The following TRABD2B variants were observed in gnomAD, a reference collection of about 807,000 sequenced individuals.
TRABD2B encodes TraB domain containing 2B.
A neutral mutation model predicts 40.1 loss-of-function variants in TRABD2B; 14 were observed. The ratio of observed to expected loss-of-function variants is 0.35; its 90% CI spans 0.23 to 0.55. The LOEUF (loss-of-function observed/expected upper bound fraction) is 0.55. TRABD2B is among the 20% of genes least tolerant of loss of function. The pLI, the probability that TRABD2B is intolerant of heterozygous loss-of-function variation, is 0.90. For missense variants in TRABD2B, 541 were observed against 648.6 expected, an observed-to-expected ratio of 0.83 and a Z score of 1.80; for synonymous variants, 263 against 277.0, an observed-to-expected ratio of 0.95 and a Z score of 0.50.
chr1:47,811,799 C>T (rs1164014651), intron 2 of TRABD2B, among the ~76,000 whole-genome samples: 1 of 152,196 alleles, frequency 6.6e-6, no homozygotes, highest in African/African-American at 2.4e-5. Context: ...GCTGTGAGAC[C>T]CACTCTCTGG....
chr1:47,991,901 T>C (rs1242553387), intron 2 of TRABD2B, among the ~76,000 whole-genome samples: 1 of 152,152 alleles, frequency 6.6e-6, no homozygotes, highest in Non-Finnish European at 1.5e-5. Flanking sequence ...TGATTTTGAA[T>C]TTTTGGATCC....
At chr1:47,890,758 T>C (rs1644433897) in intron 2 of TRABD2B, among the ~76,000 whole-genome samples, 1 of 152,190 alleles carries the variant, frequency 6.6e-6, no homozygotes, top group Admixed American at 6.5e-5. Context: ...ATTCAACAAA[T>C]ATTCACTGGA....
At chr1:47,767,328 T>A (rs1234613559) in intron 6 of TRABD2B, among the ~76,000 whole-genome samples, 1 of 151,934 alleles carries the variant, frequency 6.6e-6, no homozygotes, top group Admixed American at 6.6e-5. Flanking sequence ...AGCAGGTAGA[T>A]GAAGGGAAGG....
At chr1:47,974,564 G>A (rs1173599315) in intron 2 of TRABD2B, among the ~76,000 whole-genome samples, 1 of 152,120 alleles carries the variant, frequency 6.6e-6, no homozygotes, top group Non-Finnish European at 1.5e-5. Context: ...ATCCTCACTG[G>A]AATAAAAGTT....
At chr1:47,923,083 C>T (rs1644922847) in intron 2 of TRABD2B, among the ~76,000 whole-genome samples, 1 of 152,212 alleles carries the variant, frequency 6.6e-6, no homozygotes, top group South Asian at 2.1e-4. Flanking sequence ...GGTCTTCACA[C>T]TCGTGGTTCC....
intron 2 of TRABD2B, among the ~76,000 whole-genome samples, chr1:47,911,689 G>A (rs1292276668): frequency 3.3e-5 from 5 of 152,236 alleles, no homozygotes; most frequent in African/African-American, 9.6e-5. Context: ...GCTCCAGAGC[G>A]CAGGCCCTCG....
intron 3 of TRABD2B, 53 bp downstream of exon 3, chr1:47,801,417 ACGT>A (rs1270728676): frequency 1.0e-5 from 15 of 1,486,226 alleles, no homozygotes; most frequent in Non-Finnish European, 1.2e-5. Context: ...TATGCCTGGC[ACGT>A]CATAGGGATC....
intron 2 of TRABD2B, among the ~76,000 whole-genome samples, chr1:47,822,936 C>G (rs2124416594): frequency 6.6e-6 from 1 of 152,346 alleles, no homozygotes; most frequent in Non-Finnish European, 1.5e-5. Context: ...ACCCTCAGCT[C>G]CTGGATTATC....
chr1:47,850,629 G>C (rs1169084890), intron 2 of TRABD2B, among the ~76,000 whole-genome samples: 1 of 152,192 alleles, frequency 6.6e-6, no homozygotes, highest in African/African-American at 2.4e-5. Flanking sequence ...TGGTGCCCCA[G>C]TGCCTGACTT....
intron 2 of TRABD2B, among the ~76,000 whole-genome samples, chr1:47,934,548 G>A (rs959458975): frequency 7.2e-5 from 11 of 152,218 alleles, no homozygotes; most frequent in African/African-American, 1.2e-4. Context: ...CTCCCCTCGC[G>A]TGAGCAGCTT....
intron 2 of TRABD2B, among the ~76,000 whole-genome samples, chr1:47,922,398 T>C (rs1644914895): frequency 6.6e-6 from 1 of 152,140 alleles, no homozygotes. Flanking sequence ...GGCTGAAGCT[T>C]GTGGTCAAGG....
intron 2 of TRABD2B, among the ~76,000 whole-genome samples, chr1:47,834,571 ACACACG>A (rs1360922057): frequency 3.6e-4 from 47 of 129,636 alleles, no homozygotes; most frequent in African/African-American, 1.3e-3. Flanking sequence ...CAACACACAC[ACACACG>A]CGCACACACA....
chr1:47,877,059 G>T (rs11576551), intron 2 of TRABD2B, among the ~76,000 whole-genome samples: 45,964 of 151,890 alleles, frequency 0.3, 7,093 homozygotes, highest in East Asian at 0.46. Flanking sequence ...TATCATGAAG[G>T]GCTCAAATTG....
chr1:47,772,530 C>T (rs775306439), intron 6 of TRABD2B, among the ~76,000 whole-genome samples: 53 of 152,048 alleles, frequency 3.5e-4, no homozygotes, highest in Admixed American at 6.5e-4. Flanking sequence ...GGAGGGCACT[C>T]GGGGCCAGGA....
intron 2 of TRABD2B, among the ~76,000 whole-genome samples, chr1:47,846,359 G>A (rs1402285011): frequency 1.3e-5 from 2 of 152,238 alleles, no homozygotes; most frequent in African/African-American, 4.8e-5. Flanking sequence ...TGTGAAATGA[G>A]CTAGACTTAC....
At position 47,956,567 on chromosome 1, in the gene TRABD2B, C is replaced by A. The variant is rs534944383; in HGVS notation, c.666+37467G>T. Among the ~76,000 whole-genome samples, 756 of 152,352 alleles carry A rather than the reference C, an allele frequency of 5.0e-3. 5 individuals are homozygous for A. Among genetic ancestry groups the A allele is most frequent in the Non-Finnish European group, 8.4e-3 (570 of 68,028 alleles). On this transcript the variant is annotated intron_variant, in intron 2 of 6. Coordinates refer to ENST00000606738, the MANE Select transcript of TRABD2B (RefSeq NM_001194986.2). ...CACACCAGGAGATTATATCCCATGC[C>A]TGGCTCAGAGGGTCCCATGCCCATA...
chr1:47,893,350 CA>C lies in TRABD2B; in HGVS notation c.667-91732del, dbSNP rs763023798. On this transcript the variant is annotated intron_variant, in intron 2 of 6. Coordinates refer to ENST00000606738, the MANE Select transcript of TRABD2B (RefSeq NM_001194986.2). ...TTCACAGAACCTCTGGGGGGCCAGGCAGAGGGAGTGGCCAGTATGTGGAAAG... is the reference window on the plus strand; with the variant it reads ...TTCACAGAACCTCTGGGGGGCCAGGCGAGGGAGTGGCCAGTATGTGGAAAG... Among the ~76,000 whole-genome samples the C allele has an allele frequency of 6.0e-4, 91 of 152,170 alleles. 1 individual carries two copies. The highest frequency in any genetic ancestry group is 4.4e-4 in the Non-Finnish European group (30 of 68,034).
At chr1:47,921,449 G>A (rs926204701) in intron 2 of TRABD2B, among the ~76,000 whole-genome samples, 1 of 152,152 alleles carries the variant, frequency 6.6e-6, no homozygotes, top group Non-Finnish European at 1.5e-5. Flanking sequence ...TCTCCAGACT[G>A]TGACACACAC....
chr1:47,983,844 G>A (rs759896372), intron 2 of TRABD2B, among the ~76,000 whole-genome samples: 1 of 151,772 alleles, frequency 6.6e-6, no homozygotes, highest in African/African-American at 2.4e-5. Context: ...TCGTGCATGT[G>A]AAAAGCCTCT....
Sources: gnomAD v4.1 joint callset for allele counts (sites outside exome capture counted in the v4.1 genomes callset) on GRCh38, gnomAD v4.1.1 for gene constraint, MANE v1.5 for transcripts, NCBI Gene and HGNC (gene_info 2026-07-23, HGNC 2026-07-21) for gene names.